The following CEP63 variants were observed in gnomAD, a reference collection of about 807,000 sequenced individuals.
CEP63 encodes centrosomal protein 63, also known as centrosomal protein of 63 kDa.
CEP63 carries 84 observed loss-of-function variants against 89.1 expected under a neutral mutation model. That is an observed-to-expected ratio of 0.94 (90% confidence interval 0.79 to 1.13). The LOEUF (loss-of-function observed/expected upper bound fraction) is 1.13. Among genes scored for constraint, CEP63 ranks in the 50% most tolerant of loss-of-function variants. The pLI, the probability that CEP63 is intolerant of heterozygous loss-of-function variation, is 0.00. For synonymous variants in CEP63, 267 were observed against 272.5 expected (o/e 0.98, Z 0.20); for missense variants, 838 against 813.3 (o/e 1.03, Z -0.37).
chr3:134,660,221 A>T, the CEP63 span, among the ~76,000 whole-genome samples: 5 of 152,240 alleles, frequency 3.3e-5, no homozygotes, highest in Middle Eastern at 3.2e-3. Flanking sequence ...CCCTCCCCAC[A>T]GGGCTCTGCT....
the CEP63 span, among the ~76,000 whole-genome samples, chr3:134,717,860 G>A: frequency 6.6e-6 from 1 of 152,144 alleles, no homozygotes; most frequent in Non-Finnish European, 1.5e-5. Context: ...AACTGATGGT[G>A]GTCATTCAGC....
chr3:134,528,199 C>T (rs909896655), intron 3 of CEP63, among the ~76,000 whole-genome samples: 4 of 152,126 alleles, frequency 2.6e-5, no homozygotes, highest in Non-Finnish European at 5.9e-5. Flanking sequence ...AGCTTCCTCC[C>T]CCTTCAGCCC....
Position 134,564,453 on chromosome 3 carries a change from T to A in CEP63, c.*2918T>A, listed in dbSNP as rs1957621313. The stretch of plus-strand genomic sequence containing the variant: ...TCCTCATTGCTGTCATGGCACCCTG[T>A]GTGTGGCTCTGACCAGACTTTGCTA... On this transcript the variant is annotated 3_prime_UTR_variant, in exon 15 of 15. Transcript: ENST00000675561. 1 of 985,380 alleles carries A rather than the reference T, an allele frequency of 1.0e-6. No individual in the cohort carries two copies. The highest frequency in any genetic ancestry group is 4.7e-5 in the South Asian group (1 of 21,288). The allele number at this position is 985,380 out of a possible 1,614,324, so 61.0% of individuals were successfully genotyped here.
chr3:134,512,153 G>A (rs1945128483), intron 3 of CEP63, among the ~76,000 whole-genome samples: 1 of 152,138 alleles, frequency 6.6e-6, no homozygotes, highest in Non-Finnish European at 1.5e-5. Context: ...TACACTGAAC[G>A]GTGTGTTTCA....
the CEP63 span, among the ~76,000 whole-genome samples, chr3:134,711,094 CT>C: frequency 1.3e-5 from 2 of 152,184 alleles, no homozygotes; most frequent in Non-Finnish European, 2.9e-5. Flanking sequence ...CCACTCTTCT[CT>C]TCCCCCAGTC....
chr3:134,531,547 A>C (rs1291680123), intron 3 of CEP63, among the ~76,000 whole-genome samples: 1 of 152,164 alleles, frequency 6.6e-6, no homozygotes, highest in Non-Finnish European at 1.5e-5. Flanking sequence ...GCACCACTGC[A>C]CTCCAGCCTG....
intron 5 of CEP63, among the ~76,000 whole-genome samples, chr3:134,533,895 A>AT (rs772126791): frequency 1.3e-5 from 2 of 152,074 alleles, no homozygotes; most frequent in African/African-American, 4.8e-5. Flanking sequence ...ATATCTCAAT[A>AT]TTTTTTTACA....
At chr3:134,568,191 G>A (rs1449923193), downstream of CEP63, among the ~76,000 whole-genome samples, 1 of 152,096 alleles carries the variant, frequency 6.6e-6, no homozygotes. Context: ...GATTTCTGTG[G>A]CACCAGCTTT....
chr3:134,630,697 A>G, the CEP63 span, among the ~76,000 whole-genome samples: 6 of 152,364 alleles, frequency 3.9e-5, no homozygotes, highest in Non-Finnish European at 7.3e-5. Context: ...GGTGGTGCAC[A>G]TGCAGGGCAG....
chr3:134,577,051 T>C (rs1345919233), downstream of CEP63, among the ~76,000 whole-genome samples: 1 of 152,184 alleles, frequency 6.6e-6, no homozygotes, highest in Non-Finnish European at 1.5e-5. Context: ...CCTGGGACCA[T>C]GATGCATTAC....
the CEP63 span, among the ~76,000 whole-genome samples, chr3:134,766,847 T>G: frequency 2.0e-5 from 3 of 152,214 alleles, no homozygotes; most frequent in Non-Finnish European, 4.4e-5. Flanking sequence ...AGTTTCAGTT[T>G]GCCCATGACC....
chr3:134,498,862 A>G (rs1349907598), intron 2 of CEP63, among the ~76,000 whole-genome samples: 1 of 152,020 alleles, frequency 6.6e-6, no homozygotes, highest in Non-Finnish European at 1.5e-5. Flanking sequence ...ATTGATTTGT[A>G]TATGTTGCAT....
intron 2 of CEP63, among the ~76,000 whole-genome samples, chr3:134,504,766 C>G (rs115226735): frequency 0.011 from 1,675 of 152,234 alleles, 35 homozygotes; most frequent in African/African-American, 0.038. Context: ...TATGGTCTCC[C>G]ATATGCCATG....
At chr3:134,749,634 C>A in the CEP63 span, among the ~76,000 whole-genome samples, 1 of 133,094 alleles carries the variant, frequency 7.5e-6, no homozygotes, top group African/African-American at 2.8e-5. Context: ...TACAGAGAGA[C>A]TCATAGACCC....
At chr3:134,548,966 G>T (rs1341156199) in intron 9 of CEP63, 96 bp from the exon 10 acceptor site, 2 of 750,376 alleles carry the variant, frequency 2.7e-6, no homozygotes, top group African/African-American at 3.4e-5. Flanking sequence ...ATATTGGCTG[G>T]ATATTTTTTG....
the CEP63 span, among the ~76,000 whole-genome samples, chr3:134,663,543 C>A: frequency 6.6e-6 from 1 of 152,192 alleles, no homozygotes; most frequent in East Asian, 1.9e-4. Flanking sequence ...CCCACAAACC[C>A]CGGGGGCCTT....
chr3:134,747,376 C>A, the CEP63 span, among the ~76,000 whole-genome samples: 11 of 152,198 alleles, frequency 7.2e-5, no homozygotes, highest in Admixed American at 5.2e-4. Context: ...ATTGTCCCTG[C>A]CATCAGGGAA....
intron 12 of CEP63, 95 bp downstream of exon 12, chr3:134,552,107 C>T: frequency 1.4e-6 from 1 of 690,918 alleles, no homozygotes. Flanking sequence ...TTAAGATCAA[C>T]TTAGATCCTT....
downstream of CEP63, among the ~76,000 whole-genome samples, chr3:134,575,462 T>G (rs1396112510): frequency 7.9e-6 from 1 of 126,628 alleles, no homozygotes; most frequent in African/African-American, 3.2e-5. Context: ...GCTCACTCTG[T>G]GGCCCTCTTT....
Sources: gnomAD v4.1 joint callset for allele counts (sites outside exome capture counted in the v4.1 genomes callset) on GRCh38, gnomAD v4.1.1 for gene constraint, MANE v1.5 for transcripts, NCBI Gene and HGNC (gene_info 2026-07-23, HGNC 2026-07-21) for gene names.